The following CDCA8 variants were observed in gnomAD, a reference collection of about 807,000 sequenced individuals.
CDCA8 encodes borealin.
Under a neutral mutation model 40.0 loss-of-function variants are expected in CDCA8, and 25 were observed. The ratio of observed to expected loss-of-function variants is 0.63; its 90% CI spans 0.46 to 0.87. The LOEUF (loss-of-function observed/expected upper bound fraction) is 0.87. Ranked by LOEUF, CDCA8 falls within the 40% of genes least tolerant of loss-of-function variation. The pLI is 0.00. For synonymous variants in CDCA8, 111 were observed against 126.5 expected (o/e 0.88, Z 0.82); for missense variants, 280 against 348.4 (o/e 0.80, Z 1.56).
At chr1:37,699,781 G>C (rs559838491) in intron 4 of CDCA8, among the ~76,000 whole-genome samples, 3 of 152,168 alleles carry the variant, frequency 2.0e-5, no homozygotes, top group African/African-American at 4.8e-5. Context: ...TTAGCCGGGC[G>C]TGGTGGCGGG....
chr1:37,705,138 C>T (rs74067220), intron 7 of CDCA8, among the ~76,000 whole-genome samples: 2 of 152,066 alleles, frequency 1.3e-5, no homozygotes, highest in Non-Finnish European at 2.9e-5. Context: ...AATTAACCAG[C>T]GTATTTCTGG....
Position 37,708,450 on chromosome 1 carries a change from G to A in CDCA8, c.*84G>A, listed in dbSNP as rs947832729. The A allele has an allele frequency of 5.9e-5, 78 of 1,330,718 alleles. 1 individual carries two copies. Among genetic ancestry groups the A allele is most frequent in the Admixed American group, 3.4e-4 (20 of 58,776 alleles). 82.4% of individuals were successfully genotyped at this position (1,330,718 alleles called of 1,614,324 possible). On this transcript the variant is annotated 3_prime_UTR_variant, in exon 10 of 10. Coordinates refer to ENST00000373055, the MANE Select transcript of CDCA8 (RefSeq NM_001256875.2). ...TCTTCCCTTCAGGCTTATTGTTTGA[G>A]TGTGAAGTTCCAGAGCAAGGAGCCA...
rs1282348166 is a variant in CDCA8 at position 37,707,002 on chromosome 1, T to C, written c.736T>C (p.Leu246=). ...GAGCCTGCGATTATTGGCCAGTGAC[T>C]TGCAGAGGCACAGTATTGCCCAGCT... The part of the protein sequence containing the change: ...GESLRLLASD[L]QRHSIAQLDP... The change falls in exon 9 of 10, where the codon TTG becomes CTG. Residue 246 remains leucine (L), a synonymous_variant. Coordinates refer to ENST00000373055, the MANE Select transcript of CDCA8 (RefSeq NM_001256875.2). 1.2e-6 allele frequency: 2 copies of C among 1,614,190 alleles called. No individual in the cohort carries two copies. Among genetic ancestry groups the C allele is most frequent in the Non-Finnish European group, 1.7e-6 (2 of 1,179,986 alleles).
At chr1:37,700,350 T>C (rs513826) in intron 4 of CDCA8, 86 bp from the exon 5 acceptor site, 375,079 of 781,626 alleles carry the variant, frequency 0.48, 91,865 homozygotes, top group East Asian at 0.7. Flanking sequence ...CTTAAGATTG[T>C]GTACATTTTA....
chr1:37,707,257 T>C (rs1436909746), intron 9 of CDCA8, among the ~76,000 whole-genome samples, 193 bp downstream of exon 9: 1 of 152,242 alleles, frequency 6.6e-6, no homozygotes, highest in Non-Finnish European at 1.5e-5. Context: ...ATGTTGAGTT[T>C]TGTTCAATCC....
At chr1:37,701,342 A>G (rs1054578423) in intron 5 of CDCA8, among the ~76,000 whole-genome samples, 1 of 152,106 alleles carries the variant, frequency 6.6e-6, no homozygotes, top group Non-Finnish European at 1.5e-5. Flanking sequence ...AAGGGAGGAG[A>G]GAATATATGG....
At chr1:37,701,238 G>A (rs1233742089) in intron 5 of CDCA8, among the ~76,000 whole-genome samples, 6 of 152,150 alleles carry the variant, frequency 3.9e-5, no homozygotes, top group African/African-American at 1.4e-4. Flanking sequence ...AGGGAGTCAG[G>A]GTGGACACTA....
intron 6 of CDCA8, 81 bp from the exon 7 acceptor site, chr1:37,703,171 G>A: frequency 9.4e-7 from 1 of 1,061,646 alleles, no homozygotes; most frequent in Non-Finnish European, 1.5e-6. Flanking sequence ...CTCACAGTCA[G>A]CTCTCCACGT....
At chr1:37,693,556 GC>G (rs1180639568) in intron 2 of CDCA8, among the ~76,000 whole-genome samples, 2 of 151,948 alleles carry the variant, frequency 1.3e-5, no homozygotes, top group Non-Finnish European at 2.9e-5. Context: ...CTGCCACCAT[GC>G]CCCGCTGATT....
intron 7 of CDCA8, among the ~76,000 whole-genome samples, chr1:37,704,324 G>A (rs1280416362): frequency 6.6e-6 from 1 of 152,180 alleles, no homozygotes; most frequent in African/African-American, 2.4e-5. Flanking sequence ...GCTGGCATAA[G>A]CGAGGATATT....
At chr1:37,693,864 G>A (rs1389287423) in intron 2 of CDCA8, among the ~76,000 whole-genome samples, 2 of 152,122 alleles carry the variant, frequency 1.3e-5, no homozygotes, top group East Asian at 1.9e-4. Context: ...CAGGCTGGGC[G>A]TGGTGGCTCA....
Position 37,696,232 on chromosome 1 carries a change from G to A in CDCA8, c.264+282G>A, listed in dbSNP as rs1247070523. 1.3e-5 allele frequency among the ~76,000 whole-genome samples: 2 copies of A among 152,114 alleles called. No individual in the cohort carries two copies. Among genetic ancestry groups the A allele is most frequent in the African/African-American group, 4.8e-5 (2 of 41,410 alleles). On this transcript the variant is annotated intron_variant, in intron 3 of 9. Coordinates refer to ENST00000373055, the MANE Select transcript of CDCA8 (RefSeq NM_001256875.2). This position sits in a 1 kb window ranked among gnomAD's most constrained non-coding sequence, Gnocchi z 5.0. ...GCCTCAAGCCCAAGTTCCTTTAAGC[G>A]CCTGAGTCATTACACTATGCATTGG... is the stretch of plus-strand genomic sequence containing the variant.
Position 37,692,682 on chromosome 1 carries a change from C to G in CDCA8, c.-9C>G. On this transcript the variant is annotated 5_prime_UTR_variant, in exon 1 of 10. Coordinates refer to ENST00000373055, the MANE Select transcript of CDCA8 (RefSeq NM_001256875.2). The stretch of plus-strand genomic sequence containing the variant: ...TCTCCGCCGCTCCCCGCAGCCTCCG[C>G]CGAGCGCCATGGCTCCTAGGAAGGG... 6.2e-7 allele frequency: 1 copy of G among 1,611,158 alleles called. No individual in the cohort carries two copies. The highest frequency in any genetic ancestry group is 8.5e-7 in the Non-Finnish European group (1 of 1,178,908).
intron 6 of CDCA8, among the ~76,000 whole-genome samples, chr1:37,702,535 G>A (rs568012351): frequency 5.9e-5 from 9 of 152,284 alleles, no homozygotes; most frequent in Admixed American, 2.0e-4. Flanking sequence ...AGTAGTCACC[G>A]GGATGCATGT....
rs1484824740 is a variant in CDCA8 at position 37,700,452 on chromosome 1, G to C, written c.354G>C (p.Gln118His). The C allele has an allele frequency of 1.2e-6, 2 of 1,607,028 alleles. No homozygotes were observed. Among genetic ancestry groups the C allele is most frequent in the Non-Finnish European group, 1.7e-6 (2 of 1,173,922 alleles). Residue 118 changes from glutamine (Q) to histidine (H), a missense_variant, in exon 5 of 10, where the codon CAG becomes CAC. Gln to His is a conservative substitution (Grantham distance 24). Coordinates refer to ENST00000373055, the MANE Select transcript of CDCA8 (RefSeq NM_001256875.2). ...TTCTTACAGCACGAAAGGTAATACA[G>C]GTAGATGAAATGATAGTGGAAGAGG... ...LKSAKTRKVI[Q>H]VDEMIVEEEE...
intron 5 of CDCA8, among the ~76,000 whole-genome samples, chr1:37,701,318 C>T (rs1645561663): frequency 6.6e-6 from 1 of 152,054 alleles, no homozygotes; most frequent in Admixed American, 6.6e-5. Context: ...AAAGACAGAT[C>T]CATCACGGAG....
chr1:37,700,423 CTGTTTCT>C lies in CDCA8; in HGVS notation c.338-11_338-5del. The C allele has an allele frequency of 1.3e-6, 2 of 1,537,532 alleles. No individual in the cohort carries two copies. Among genetic ancestry groups the C allele is most frequent in the Non-Finnish European group, 1.8e-6 (2 of 1,111,700 alleles). ...CATCAGAAATACCACCCTGTTGAAA[CTGTTTCT>C]TACAGCACGAAAGGTAATACAGGTA... On this transcript the variant is annotated splice_region_variant and splice_polypyrimidine_tract_variant and intron_variant, in intron 4 of 9. Coordinates refer to ENST00000373055, the MANE Select transcript of CDCA8 (RefSeq NM_001256875.2).
intron 8 of CDCA8, 137 bp downstream of exon 8, chr1:37,705,704 C>T: frequency 1.1e-6 from 1 of 896,484 alleles, no homozygotes; most frequent in South Asian, 1.9e-5. Context: ...CTGCGGGACT[C>T]AGAACCCAGT....
intron 8 of CDCA8, among the ~76,000 whole-genome samples, chr1:37,706,011 A>T (rs1645598028): frequency 6.7e-6 from 1 of 149,292 alleles, no homozygotes; most frequent in South Asian, 2.1e-4. Flanking sequence ...GGGTTTCACC[A>T]CGTTGGCCAG....
Sources: gnomAD v4.1 joint callset for allele counts (sites outside exome capture counted in the v4.1 genomes callset) on GRCh38, gnomAD v4.1.1 for gene constraint, Gnocchi (gnomAD v3.1) non-coding constraint, MANE v1.5 for transcripts, NCBI Gene and HGNC (gene_info 2026-07-23, HGNC 2026-07-21) for gene names.